MAPK10: variants seen among roughly 807,000 people sequenced by gnomAD.
The protein encoded by MAPK10 is mitogen-activated protein kinase 10.
A neutral mutation model predicts 59.3 loss-of-function variants in MAPK10; 25 were observed. The ratio of observed to expected loss-of-function variants is 0.42; its 90% CI spans 0.31 to 0.59. The LOEUF is 0.59. Among genes scored for constraint, MAPK10 ranks in the 20% least tolerant of loss-of-function variants. The pLI is 0.15. For synonymous variants in MAPK10, 190 were observed against 200.5 expected, an observed-to-expected ratio of 0.95 and a Z score of 0.44; for missense variants, 351 against 568.9, an observed-to-expected ratio of 0.62 and a Z score of 3.90.
intron 1 of MAPK10, among the ~76,000 whole-genome samples, chr4:86,545,984 C>T (rs1759118827): frequency 6.6e-6 from 1 of 152,232 alleles, no homozygotes; most frequent in Non-Finnish European, 1.5e-5. Flanking sequence ...GGTGCGGTGG[C>T]TCACGCCTGT....
At chr4:86,462,210 T>C (rs1751810488) in intron 1 of MAPK10, among the ~76,000 whole-genome samples, 2 of 152,148 alleles carry the variant, frequency 1.3e-5, no homozygotes, top group South Asian at 2.1e-4. Context: ...GCGGGGATGA[T>C]AGGATTACTT....
chr4:86,308,510 T>C (rs1564215461), intron 2 of MAPK10, among the ~76,000 whole-genome samples: 1 of 152,198 alleles, frequency 6.6e-6, no homozygotes, highest in Non-Finnish European at 1.5e-5. Context: ...GACATGATAA[T>C]TGAATATCTC....
At chr4:86,532,208 A>T (rs945708147) in intron 1 of MAPK10, among the ~76,000 whole-genome samples, 2 of 151,948 alleles carry the variant, frequency 1.3e-5, no homozygotes, top group Non-Finnish European at 2.9e-5. Flanking sequence ...AGAATTTAAG[A>T]CTTTGTGCTT....
intron 9 of MAPK10, among the ~76,000 whole-genome samples, chr4:86,091,954 G>A (rs1441535682): frequency 6.6e-6 from 1 of 152,082 alleles, no homozygotes; most frequent in African/African-American, 2.4e-5. Flanking sequence ...TTACAGGCAT[G>A]AGACACCATG....
At chr4:86,201,277 A>C (rs1290017306) in intron 2 of MAPK10, among the ~76,000 whole-genome samples, 1 of 151,880 alleles carries the variant, frequency 6.6e-6, no homozygotes, top group Non-Finnish European at 1.5e-5. Flanking sequence ...TTGAAGGAAT[A>C]TGTTTAACTT....
chr4:86,516,523 G>A (rs1564975544), intron 1 of MAPK10, among the ~76,000 whole-genome samples: 1 of 152,162 alleles, frequency 6.6e-6, no homozygotes, highest in Non-Finnish European at 1.5e-5. Flanking sequence ...AGCATGGAAT[G>A]TGTTTCCATT....
intron 2 of MAPK10, among the ~76,000 whole-genome samples, chr4:86,269,905 A>G (rs554210066): frequency 6.6e-6 from 1 of 152,238 alleles, no homozygotes; most frequent in Admixed American, 6.6e-5. Context: ...ATTAAAAGAC[A>G]TTTGTGCAGT....
chr4:86,430,124 T>C (rs1747844160), intron 1 of MAPK10, among the ~76,000 whole-genome samples: 1 of 152,148 alleles, frequency 6.6e-6, no homozygotes, highest in Non-Finnish European at 1.5e-5. Flanking sequence ...GATGAAAGAA[T>C]GCACTCCATT....
At position 86,125,245 on chromosome 4, in the gene MAPK10, T is replaced by C. The variant is rs547599333; in HGVS notation, c.237-17893A>G. 3.4e-4 allele frequency: 52 copies of C among 151,904 alleles called. 1 individual carries two copies. The highest frequency in any genetic ancestry group is 5.8e-4 in the East Asian group (3 of 5,180). The allele number at this position is 151,904 out of a possible 1,614,324, so 9.4% of individuals were successfully genotyped here. On this transcript the variant is annotated intron_variant, in intron 4 of 13. Coordinates refer to ENST00000641462, the MANE Select transcript of MAPK10 (RefSeq NM_138982.4). Reference sequence around the variant, plus strand: ...CAGAAGTTTCATTAAAACTTAAGAATAATAAATTCATATTAAAAAGCTGAC... The same window carrying C: ...CAGAAGTTTCATTAAAACTTAAGAACAATAAATTCATATTAAAAAGCTGAC...
chr4:86,173,055 T>A (rs796134623), intron 3 of MAPK10, among the ~76,000 whole-genome samples: 104 of 152,226 alleles, frequency 6.8e-4, no homozygotes, highest in African/African-American at 2.4e-3. Context: ...AAGTAATTTA[T>A]AGATTCAATG....
intron 3 of MAPK10, among the ~76,000 whole-genome samples, chr4:86,186,556 T>C (rs2078282623): frequency 6.6e-6 from 1 of 152,266 alleles, no homozygotes; most frequent in Admixed American, 6.5e-5. Context: ...TCAGGAAAGA[T>C]TGCATTAAAA....
intron 2 of MAPK10, among the ~76,000 whole-genome samples, chr4:86,344,589 C>T (rs1727004620): frequency 2.8e-5 from 3 of 108,432 alleles, no homozygotes; most frequent in African/African-American, 1.1e-4. Flanking sequence ...AGTAAATATT[C>T]GTGGGAGGGA....
At chr4:86,446,575 T>C (rs943117244) in intron 1 of MAPK10, among the ~76,000 whole-genome samples, 1 of 152,166 alleles carries the variant, frequency 6.6e-6, no homozygotes, top group Admixed American at 6.5e-5. Flanking sequence ...CTTGTCTCCC[T>C]GAGCACATGT....
chr4:86,521,674 A>G (rs965095908), intron 1 of MAPK10, among the ~76,000 whole-genome samples: 174 of 152,136 alleles, frequency 1.1e-3, no homozygotes, highest in Non-Finnish European at 6.5e-4. Context: ...GAGTTTATAT[A>G]TAGGCAGCTG....
At chr4:86,367,117 T>C (rs929891558) in intron 1 of MAPK10, among the ~76,000 whole-genome samples, 1 of 152,134 alleles carries the variant, frequency 6.6e-6, no homozygotes, top group Non-Finnish European at 1.5e-5. Flanking sequence ...TAAAGAAGTG[T>C]CACCTAGCTA....
chr4:86,313,270 A>C (rs939153576), intron 2 of MAPK10, among the ~76,000 whole-genome samples: 1 of 152,136 alleles, frequency 6.6e-6, no homozygotes, highest in Non-Finnish European at 1.5e-5. Flanking sequence ...CCCAAATGTA[A>C]ATGCTTAAAA....
At chr4:86,192,103 C>T (rs1378797032) in intron 3 of MAPK10, 1 of 152,196 alleles carries the variant, frequency 6.6e-6, no homozygotes, top group Non-Finnish European at 1.5e-5. Flanking sequence ...TTGCCCCCCA[C>T]TCTCTTCTGG....
chr4:86,486,145 T>C (rs1753973684), intron 1 of MAPK10, among the ~76,000 whole-genome samples: 1 of 152,114 alleles, frequency 6.6e-6, no homozygotes, highest in Non-Finnish European at 1.5e-5. Flanking sequence ...CATGGAAAGT[T>C]GGGTGTGGTG....
At chr4:86,082,988 T>A (rs1309157156) in intron 9 of MAPK10, among the ~76,000 whole-genome samples, 1 of 152,224 alleles carries the variant, frequency 6.6e-6, no homozygotes, top group Non-Finnish European at 1.5e-5. Context: ...AGCCAGAGTC[T>A]GCGGGACAGA....
Sources: gnomAD v4.1 joint callset for allele counts (sites outside exome capture counted in the v4.1 genomes callset) on GRCh38, gnomAD v4.1.1 for gene constraint, MANE v1.5 for transcripts, NCBI Gene and HGNC (gene_info 2026-07-23, HGNC 2026-07-21) for gene names.